XPO4: variants seen among roughly 807,000 people sequenced by gnomAD.
The protein encoded by XPO4 is exportin-4.
Under a neutral mutation model 143.0 loss-of-function variants are expected in XPO4, and 39 were observed. That is an observed-to-expected ratio of 0.27 (90% CI 0.21 to 0.36). The LOEUF (loss-of-function observed/expected upper bound fraction) is 0.36, where lower values mean the gene tolerates loss of function less well. Among genes scored for constraint, XPO4 ranks in the 10% least tolerant of loss-of-function variants. The pLI is 1.00. For synonymous variants in XPO4, 439 were observed against 474.0 expected, an observed-to-expected ratio of 0.93 and a Z score of 0.96; for missense variants, 907 against 1,348.0, an observed-to-expected ratio of 0.67 and a Z score of 5.12.
At chr13:20,901,229 C>A (rs1007770105) in intron 1 of XPO4, among the ~76,000 whole-genome samples, 1 of 152,182 alleles carries the variant, frequency 6.6e-6, no homozygotes, top group African/African-American at 2.4e-5. Flanking sequence ...ATTCTTCTCA[C>A]CTACTCCTTA....
intron 17 of XPO4, 116 bp downstream of exon 17, chr13:20,796,647 GA>G (rs2059362213): frequency 1.2e-6 from 1 of 840,814 alleles, no homozygotes. Context: ...AAAATCTTTT[GA>G]AGGAATAAAA....
intron 9 of XPO4, among the ~76,000 whole-genome samples, chr13:20,810,458 C>T (rs184261451): frequency 1.6e-3 from 237 of 152,264 alleles, no homozygotes; most frequent in South Asian, 3.9e-3. Flanking sequence ...AAATGTAATA[C>T]GCGTTGACTC....
intron 1 of XPO4, among the ~76,000 whole-genome samples, chr13:20,900,980 T>C (rs12876665): frequency 0.067 from 10,195 of 152,130 alleles, 897 homozygotes; most frequent in African/African-American, 0.2. Flanking sequence ...ATAAAAAGCA[T>C]TTAGACAAAT....
intron 7 of XPO4, among the ~76,000 whole-genome samples, chr13:20,826,322 C>A (rs2059785052): frequency 6.6e-6 from 1 of 152,150 alleles, no homozygotes; most frequent in Admixed American, 6.5e-5. Context: ...TAACCAATGA[C>A]TCATAAATAT....
intron 7 of XPO4, among the ~76,000 whole-genome samples, chr13:20,823,917 G>A (rs1213563577): frequency 6.6e-6 from 1 of 152,204 alleles, no homozygotes; most frequent in African/African-American, 2.4e-5. Flanking sequence ...CTCCCAAAGT[G>A]CTGGGATTAC....
In XPO4 at chr13:20,783,331, A is replaced by T; in HGVS notation, c.*391T>A. 5.2e-6 allele frequency: 1 copy of T among 192,976 alleles called. No individual in the cohort carries two copies. The highest frequency in any genetic ancestry group is 1.1e-5 in the Non-Finnish European group (1 of 93,362). 12.0% of individuals were successfully genotyped at this position (192,976 alleles called of 1,614,324 possible). ...GCGATCTATGGAGATTTTGAGAAAC[A>T]CTGCCTAGCATATATCCATTTCATA... On this transcript the variant is annotated 3_prime_UTR_variant, in exon 23 of 23. Coordinates refer to ENST00000255305, the MANE Select transcript of XPO4 (RefSeq NM_022459.5).
Position 20,848,871 on chromosome 13 carries a change from T to TA in XPO4, c.457-4986dup, listed in dbSNP as rs898642458. The TA allele has an allele frequency of 1.1e-4, 112 of 984,832 alleles. No individual in the cohort carries two copies. In the Admixed American group the frequency reaches 3.5e-3, roughly 31 times the overall value. The allele number at this position is 984,832 out of a possible 1,614,324, so 61.0% of individuals were successfully genotyped here. The stretch of plus-strand genomic sequence containing the variant: ...ACAATGCAATGAGGTGTCAAAGTTA[T>TA]AAAAAAAAGTCTAATTGTCTTCTTT... On this transcript the variant is annotated intron_variant, in intron 4 of 22. Coordinates refer to ENST00000255305, the MANE Select transcript of XPO4 (RefSeq NM_022459.5).
intron 6 of XPO4, among the ~76,000 whole-genome samples, chr13:20,828,373 C>G (rs1003507473): frequency 9.2e-5 from 14 of 152,070 alleles, no homozygotes; most frequent in African/African-American, 3.4e-4. Flanking sequence ...CCAGAGCTAT[C>G]GTCTGAAAAA....
rs1397410920 is a variant in XPO4, at chr13:20,799,899, T to C, written c.2147+257A>G. On this transcript the variant is annotated intron_variant, in intron 15 of 22. Transcript: ENST00000255305. ...TGTTTGCAACACGATAAATTACTAA[T>C]GTGTTACTCATAGGGCTTTGATGCC... 2.0e-5 allele frequency among the ~76,000 whole-genome samples: 3 copies of C among 152,220 alleles called. No individual in the cohort carries two copies. In the East Asian group the frequency reaches 5.8e-4, roughly 29 times the overall value.
intron 16 of XPO4, among the ~76,000 whole-genome samples, chr13:20,797,582 A>C (rs1480653933): frequency 6.6e-6 from 1 of 152,112 alleles, no homozygotes; most frequent in African/African-American, 2.4e-5. Context: ...TCCATATGAT[A>C]ATACAATTGT....
intron 16 of XPO4, among the ~76,000 whole-genome samples, chr13:20,798,501 A>G (rs1196257905): frequency 6.6e-6 from 1 of 152,176 alleles, no homozygotes; most frequent in African/African-American, 2.4e-5. Flanking sequence ...TATCATGGTT[A>G]ATCTGCATCT....
chr13:20,863,219 G>T, intron 2 of XPO4: 1 of 591,978 alleles, frequency 1.7e-6, no homozygotes, highest in Non-Finnish European at 2.1e-6. Context: ...ACAGAACTTT[G>T]TATCTGAAAA....
chr13:20,868,114 C>A (rs2060260350), intron 2 of XPO4, among the ~76,000 whole-genome samples: 1 of 150,676 alleles, frequency 6.6e-6, no homozygotes, highest in Non-Finnish European at 1.5e-5. Context: ...ACAGTGATAC[C>A]CTACGCAGAA....
At chr13:20,796,686 T>C in intron 17 of XPO4, 78 bp downstream of exon 17, 3 of 1,165,774 alleles carry the variant, frequency 2.6e-6, no homozygotes, top group Non-Finnish European at 3.4e-6. Flanking sequence ...ACTAATCAAA[T>C]TTTAAGCAAA....
At chr13:20,875,746 T>C (rs1452702469) in intron 1 of XPO4, among the ~76,000 whole-genome samples, 1 of 152,146 alleles carries the variant, frequency 6.6e-6, no homozygotes, top group African/African-American at 2.4e-5. Flanking sequence ...TGGTTTCTAA[T>C]CCCATTTCTG....
chr13:20,887,184 CGCCATTTTAAGA>C (rs1255920874), intron 1 of XPO4, among the ~76,000 whole-genome samples: 9 of 152,174 alleles, frequency 5.9e-5, no homozygotes, highest in African/African-American at 2.2e-4. Flanking sequence ...ACACTCCTTA[CGCCATTTTAAGA>C]GCCTAGCATA....
At chr13:20,816,234 AAG>A (rs2059649586) in intron 9 of XPO4, among the ~76,000 whole-genome samples, 1 of 152,206 alleles carries the variant, frequency 6.6e-6, no homozygotes, top group Non-Finnish European at 1.5e-5. Flanking sequence ...TAAAGACTGA[AAG>A]AGCTATACTA....
intron 16 of XPO4, 63 bp downstream of exon 16, chr13:20,799,102 G>A (rs573067691): frequency 7.3e-5 from 103 of 1,412,280 alleles, no homozygotes; most frequent in South Asian, 6.5e-4. Flanking sequence ...TTACGGCAAC[G>A]CATAGATAAA....
chr13:20,808,653 A>G (rs2059538109), intron 11 of XPO4, 72 bp from the exon 12 acceptor site: 2 of 1,280,102 alleles, frequency 1.6e-6, no homozygotes, highest in Non-Finnish European at 2.1e-6. Flanking sequence ...CAACTTCCAT[A>G]TATTAGACAA....
Sources: allele counts gnomAD v4.1 joint callset (sites outside exome capture counted in the v4.1 genomes callset), GRCh38; gene constraint gnomAD v4.1.1; transcripts MANE v1.5; gene names NCBI Gene and HGNC (gene_info 2026-07-23, HGNC 2026-07-21).